Variants in ACVR1B observed in about 807,000 individuals in gnomAD.
ACVR1B encodes activin receptor type-1B.
Under a neutral mutation model 55.6 loss-of-function variants are expected in ACVR1B, and 15 were observed. That is an observed-to-expected ratio of 0.27 (90% confidence interval 0.18 to 0.42). The LOEUF is 0.42. Among genes scored for constraint, ACVR1B ranks in the 10% least tolerant of loss-of-function variants. The pLI is 1.00. For synonymous variants in ACVR1B, 247 were observed against 254.6 expected, an observed-to-expected ratio of 0.97 and a Z score of 0.28; for missense variants, 359 against 670.1, an observed-to-expected ratio of 0.54 and a Z score of 5.13.
intron 8 of ACVR1B, 21 bp downstream of exon 8, chr12:51,992,014 G>A (rs758222949): frequency 7.4e-6 from 12 of 1,614,034 alleles, no homozygotes; most frequent in Admixed American, 1.7e-5. Flanking sequence ...GGCCTCCTGC[G>A]GCTTTCCCAT....
At chr12:51,977,874 GA>G (rs936721026) in intron 3 of ACVR1B, among the ~76,000 whole-genome samples, 1 of 137,882 alleles carries the variant, frequency 7.3e-6, no homozygotes, top group Non-Finnish European at 1.5e-5. Flanking sequence ...TCTTAAAAAA[GA>G]AAAAAAACAT....
At chr12:51,981,375 G>C (rs1941974714) in intron 4 of ACVR1B, among the ~76,000 whole-genome samples, 176 bp downstream of exon 4, 1 of 152,080 alleles carries the variant, frequency 6.6e-6, no homozygotes, top group African/African-American at 2.4e-5. Context: ...TCCATGAAAA[G>C]GTTATACAAA....
At chr12:51,979,415 C>T (rs377605772) in intron 3 of ACVR1B, among the ~76,000 whole-genome samples, 1 of 140,374 alleles carries the variant, frequency 7.1e-6, no homozygotes. Context: ...TGCAGTGAGC[C>T]GAAATCATAC....
At chr12:51,953,246 C>T in intron 1 of ACVR1B, 1 of 641,602 alleles carries the variant, frequency 1.6e-6, no homozygotes, top group Non-Finnish European at 1.9e-6. Flanking sequence ...TGGGTTCAGT[C>T]GTCTTTAATA....
At position 51,993,765 on chromosome 12, in the gene ACVR1B, T is replaced by TAAAAAAAA. The variant is rs869161100; in HGVS notation, c.1393-188_1393-181dup. 9.7e-4 allele frequency among the ~76,000 whole-genome samples: 29 copies of TAAAAAAAA among 29,768 alleles called. 5 individuals are homozygous for TAAAAAAAA. Among genetic ancestry groups the TAAAAAAAA allele is most frequent in the Non-Finnish European group, 1.6e-3 (24 of 15,332 alleles). 19.5% of individuals were successfully genotyped at this position (29,768 alleles called of 152,430 possible). On this transcript the variant is annotated intron_variant, in intron 8 of 8. Coordinates refer to ENST00000257963, the MANE Select transcript of ACVR1B (RefSeq NM_004302.5). ...CTGGGTGACAGAGTGAGACTCCTTC[T>TAAAAAAAA]AAAAAAAAAAAAAAAAAAAAAAAAA...
At chr12:51,986,305 C>T (rs1255324526) in intron 6 of ACVR1B, among the ~76,000 whole-genome samples, 1 of 152,220 alleles carries the variant, frequency 6.6e-6, no homozygotes, top group African/African-American at 2.4e-5. Context: ...GTTGCCCAAG[C>T]TGGAGTGCAA....
rs543493221 is a variant in ACVR1B at position 51,993,070 on chromosome 12, G to A, written c.1393-915G>A. 3.9e-5 allele frequency among the ~76,000 whole-genome samples: 6 copies of A among 152,324 alleles called. No homozygotes were observed. The South Asian group carries it at 8.3e-4, about 21-fold the overall frequency. ...CAAAGTGCTGAATTGATACATGTAT[G>A]TATTGTGACATGATTACCACACAAG... is the stretch of plus-strand genomic sequence containing the variant. On this transcript the variant is annotated intron_variant, in intron 8 of 8. Transcript: ENST00000257963.
chr12:51,965,011 C>T (rs1365512378), intron 1 of ACVR1B, among the ~76,000 whole-genome samples: 1 of 151,948 alleles, frequency 6.6e-6, no homozygotes, highest in Non-Finnish European at 1.5e-5. Flanking sequence ...AAAAAGGCCA[C>T]TGAGATTCTG....
intron 3 of ACVR1B, among the ~76,000 whole-genome samples, chr12:51,977,045 G>T (rs1281087580): frequency 6.6e-6 from 1 of 152,168 alleles, no homozygotes; most frequent in Non-Finnish European, 1.5e-5. Context: ...ACTTGTACCA[G>T]TTGCCCAAGG....
intron 7 of ACVR1B, among the ~76,000 whole-genome samples, chr12:51,988,013 T>G (rs1207513634): frequency 6.6e-6 from 1 of 152,226 alleles, no homozygotes; most frequent in African/African-American, 2.4e-5. Flanking sequence ...AAATCTAATC[T>G]ACAAAAAATA....
At chr12:51,992,152 C>CTTGGGATA in intron 8 of ACVR1B, 159 bp downstream of exon 8, 1 of 928,700 alleles carries the variant, frequency 1.1e-6, no homozygotes, top group Non-Finnish European at 1.6e-6. Context: ...CCCTTTAGGG[C>CTTGGGATA]TACAGTCTCT....
intron 7 of ACVR1B, among the ~76,000 whole-genome samples, chr12:51,989,034 G>C (rs1942135996): frequency 6.6e-6 from 1 of 152,182 alleles, no homozygotes; most frequent in Non-Finnish European, 1.5e-5. Flanking sequence ...GGAGGCCAAG[G>C]TGGGCGGATC....
At chr12:51,960,972 A>AGT (rs1941510915) in intron 1 of ACVR1B, among the ~76,000 whole-genome samples, 1 of 142,696 alleles carries the variant, frequency 7.0e-6, no homozygotes, top group Non-Finnish European at 1.6e-5. Context: ...CTGTCAATTT[A>AGT]CTCTGAACCC....
intron 4 of ACVR1B, chr12:51,982,760 C>T (rs1942004905): frequency 3.9e-6 from 6 of 1,533,852 alleles, no homozygotes; most frequent in Middle Eastern, 1.7e-4. Context: ...GAGCCTTAGA[C>T]TCCAATACAA....
rs552817498 is a variant in ACVR1B, at chr12:51,970,203, C to CCGTGG, written c.92-5060_92-5056dup. On this transcript the variant is annotated intron_variant, in intron 1 of 8. Coordinates refer to ENST00000257963, the MANE Select transcript of ACVR1B (RefSeq NM_004302.5). ...TCACATGAAGGTGTTCCTAGTGTGGCCGTGGCCCTGCTGGCTCTGTGTGCC... is the reference window on the plus strand; with the variant it reads ...TCACATGAAGGTGTTCCTAGTGTGGCCGTGGCGTGGCCCTGCTGGCTCTGTGTGCC... Among the ~76,000 whole-genome samples the CCGTGG allele has an allele frequency of 3.1e-3, 471 of 152,246 alleles. 5 individuals are homozygous for CCGTGG. The highest frequency in any genetic ancestry group is 4.5e-3 in the Non-Finnish European group (309 of 68,024).
chr12:51,955,519 T>C (rs550096026), intron 1 of ACVR1B, among the ~76,000 whole-genome samples: 2 of 152,358 alleles, frequency 1.3e-5, no homozygotes, highest in East Asian at 3.9e-4. Context: ...TGAGGTGGAA[T>C]GGAATTATCA....
chr12:51,980,200 A>G (rs538647972), intron 3 of ACVR1B, among the ~76,000 whole-genome samples: 1 of 152,278 alleles, frequency 6.6e-6, no homozygotes, highest in African/African-American at 2.4e-5. Flanking sequence ...AGCCCTTAGC[A>G]TGGAGCCTAA....
At position 51,994,120 on chromosome 12, in the gene ACVR1B, C is replaced by T; in HGVS notation, c.*10C>T. 1 of 1,612,694 alleles carries T rather than the reference C, an allele frequency of 6.2e-7. No individual in the cohort carries two copies. The highest frequency in any genetic ancestry group is 8.5e-7 in the Non-Finnish European group (1 of 1,179,962). On this transcript the variant is annotated 3_prime_UTR_variant, in exon 9 of 9. Transcript: ENST00000257963. The surrounding 1 kb of genome is among the most constrained non-coding windows in gnomAD (Gnocchi z 4.2). The stretch of plus-strand genomic sequence containing the variant: ...AGACGTGAAGATCTAACTGCTCCCT[C>T]TCTCCACACGGAGCTCCTGGCAGCG...
chr12:51,952,513 T>G (rs1367973540), intron 1 of ACVR1B, among the ~76,000 whole-genome samples: 1 of 152,216 alleles, frequency 6.6e-6, no homozygotes, highest in Non-Finnish European at 1.5e-5. Context: ...GGAGGCTATT[T>G]GGAGGAAGTG....
Sources: gnomAD v4.1 joint callset for allele counts (sites outside exome capture counted in the v4.1 genomes callset) on GRCh38, gnomAD v4.1.1 for gene constraint, Gnocchi (gnomAD v3.1) non-coding constraint, MANE v1.5 for transcripts, NCBI Gene and HGNC (gene_info 2026-07-23, HGNC 2026-07-21) for gene names.